The following CNTNAP2 variants were observed in gnomAD, a reference collection of about 807,000 sequenced individuals.
CNTNAP2 encodes contactin associated protein 2.
A neutral mutation model predicts 155.2 loss-of-function variants in CNTNAP2; 98 were observed. That is an observed-to-expected ratio of 0.63 (90% CI 0.54 to 0.75). The LOEUF (loss-of-function observed/expected upper bound fraction) is 0.75, where lower values mean the gene tolerates loss of function less well. Among genes scored for constraint, CNTNAP2 ranks in the 30% least tolerant of loss-of-function variants. The probability of loss-of-function intolerance (pLI) is 0.00; values close to 1 mark genes in which losing one functional copy is unlikely to be tolerated. For synonymous variants in CNTNAP2, 651 were observed against 631.2 expected (o/e 1.03, Z -0.47); for missense variants, 1,727 against 1,688.1 (o/e 1.02, Z -0.40).
At chr7:147,870,750 G>A (rs1216194247) in intron 13 of CNTNAP2, among the ~76,000 whole-genome samples, 3 of 152,156 alleles carry the variant, frequency 2.0e-5, no homozygotes, top group African/African-American at 2.4e-5. Flanking sequence ...TTGTCCTTGA[G>A]AACAGGTGGA....
intron 12 of CNTNAP2, among the ~76,000 whole-genome samples, chr7:147,587,826 T>G (rs1003503214): frequency 6.6e-6 from 1 of 152,162 alleles, no homozygotes; most frequent in African/African-American, 2.4e-5. Flanking sequence ...ATTGTGTGTG[T>G]TTTTTCTTTC....
At chr7:146,370,188 G>A (rs934393976) in intron 1 of CNTNAP2, among the ~76,000 whole-genome samples, 3 of 149,846 alleles carry the variant, frequency 2.0e-5, no homozygotes, top group Admixed American at 6.7e-5. Flanking sequence ...TTGGGAGGCC[G>A]GGGCAGGTGG....
chr7:147,919,459 C>CTTTCTTTTTTTTTTTCTTTTTTTTTT (rs58537091), intron 14 of CNTNAP2, among the ~76,000 whole-genome samples: 1 of 51,240 alleles, frequency 2.0e-5, no homozygotes, highest in Non-Finnish European at 3.3e-5. Context: ...CTTTTTCTTT[C>CTTTCTTTTTTTTTTTCTTTTTTTTTT]TTTTTTTTTT....
chr7:146,472,607 T>C (rs551276969), intron 1 of CNTNAP2, among the ~76,000 whole-genome samples: 7 of 152,256 alleles, frequency 4.6e-5, no homozygotes, highest in African/African-American at 1.4e-4. Flanking sequence ...CATCTAACAA[T>C]TGATGGAAAT....
At chr7:147,294,015 C>T (rs1805367380) in intron 8 of CNTNAP2, among the ~76,000 whole-genome samples, 1 of 152,068 alleles carries the variant, frequency 6.6e-6, no homozygotes, top group South Asian at 2.1e-4. Context: ...AGTTGAAACA[C>T]TTTTATCATT....
At chr7:147,423,115 C>G (rs1797322788) in intron 10 of CNTNAP2, among the ~76,000 whole-genome samples, 1 of 152,128 alleles carries the variant, frequency 6.6e-6, no homozygotes, top group Non-Finnish European at 1.5e-5. Flanking sequence ...GTGTCCTATA[C>G]AACAGGTGGA....
intron 18 of CNTNAP2, among the ~76,000 whole-genome samples, chr7:148,207,064 G>C (rs1471117057): frequency 6.6e-6 from 1 of 152,134 alleles, no homozygotes; most frequent in Non-Finnish European, 1.5e-5. Flanking sequence ...ACTCCGTTTG[G>C]GAAAAGTATA....
At chr7:148,027,428 G>A (rs751313495) in intron 15 of CNTNAP2, among the ~76,000 whole-genome samples, 34 of 152,256 alleles carry the variant, frequency 2.2e-4, no homozygotes, top group Middle Eastern at 6.8e-3. Context: ...TACCAATCAG[G>A]AAAAGATTTA....
intron 3 of CNTNAP2, among the ~76,000 whole-genome samples, chr7:146,847,177 T>C (rs959382694): frequency 2.0e-5 from 3 of 152,144 alleles, no homozygotes; most frequent in African/African-American, 7.2e-5. Flanking sequence ...GAATAAGATA[T>C]CAGTTCCTTC....
At chr7:147,296,988 T>G (rs901168754) in intron 8 of CNTNAP2, among the ~76,000 whole-genome samples, 1 of 152,190 alleles carries the variant, frequency 6.6e-6, no homozygotes, top group Non-Finnish European at 1.5e-5. Flanking sequence ...TATACTTCAT[T>G]TAATAACTTG....
chr7:146,132,131 A>T (rs1797723547), intron 1 of CNTNAP2, among the ~76,000 whole-genome samples: 1 of 152,210 alleles, frequency 6.6e-6, no homozygotes, highest in Admixed American at 6.5e-5. Context: ...TCTGTATCTC[A>T]GATTGTATCT....
intron 18 of CNTNAP2, among the ~76,000 whole-genome samples, chr7:148,200,077 T>G (rs1795343175): frequency 6.6e-6 from 1 of 152,192 alleles, no homozygotes; most frequent in South Asian, 2.1e-4. Context: ...TGATGCCCAC[T>G]GACAATTATG....
At chr7:146,295,587 T>C (rs976441109) in intron 1 of CNTNAP2, among the ~76,000 whole-genome samples, 4 of 152,144 alleles carry the variant, frequency 2.6e-5, no homozygotes, top group African/African-American at 9.6e-5. Flanking sequence ...CATTAAAATA[T>C]TTTTTCTTGC....
At chr7:147,507,610 T>A (rs1798930983) in intron 11 of CNTNAP2, among the ~76,000 whole-genome samples, 1 of 139,104 alleles carries the variant, frequency 7.2e-6, no homozygotes, top group Non-Finnish European at 1.5e-5. Context: ...TGGAGTGCAG[T>A]AGGGCAATCT....
rs1794991728 is a variant in CNTNAP2 at position 147,304,392 on chromosome 7, T to C, written c.1498+4102T>C. Among the ~76,000 whole-genome samples the C allele has an allele frequency of 2.6e-5, 4 of 152,226 alleles. 1 individual carries two copies. The highest frequency in any genetic ancestry group is 2.6e-4 in the Admixed American group (4 of 15,278). Reference sequence around the variant, plus strand: ...TAAACACAATAATTAAATTTACCTATTGACTGTTTACGTGGTAATAAGCTT... The same window carrying C: ...TAAACACAATAATTAAATTTACCTACTGACTGTTTACGTGGTAATAAGCTT... On this transcript the variant is annotated intron_variant, in intron 9 of 23. Coordinates refer to ENST00000361727, the MANE Select transcript of CNTNAP2 (RefSeq NM_014141.6).
chr7:146,120,523 T>G (rs1373486899), intron 1 of CNTNAP2, among the ~76,000 whole-genome samples: 1 of 152,206 alleles, frequency 6.6e-6, no homozygotes, highest in African/African-American at 2.4e-5. Flanking sequence ...TATGCAGTTA[T>G]AAACCTACAA....
intron 2 of CNTNAP2, among the ~76,000 whole-genome samples, chr7:146,836,688 A>G (rs1156333954): frequency 6.6e-6 from 1 of 152,144 alleles, no homozygotes; most frequent in African/African-American, 2.4e-5. Context: ...AATATTTTAT[A>G]TGTACTTAAC....
chr7:146,139,362 G>T (rs926108511), intron 1 of CNTNAP2, among the ~76,000 whole-genome samples: 1 of 152,122 alleles, frequency 6.6e-6, no homozygotes, highest in Admixed American at 6.6e-5. Context: ...AATCAGGTCT[G>T]TGGAGCTGTT....
intron 13 of CNTNAP2, among the ~76,000 whole-genome samples, chr7:147,735,553 C>T (rs868143435): frequency 9.9e-5 from 15 of 151,846 alleles, no homozygotes; most frequent in African/African-American, 3.6e-4. Flanking sequence ...TGGTGCAGAG[C>T]CGAGTTCAAT....
Sources: gnomAD v4.1 joint callset for allele counts (sites outside exome capture counted in the v4.1 genomes callset) on GRCh38, gnomAD v4.1.1 for gene constraint, MANE v1.5 for transcripts, NCBI Gene and HGNC (gene_info 2026-07-23, HGNC 2026-07-21) for gene names.